Variants in NBEAL2 observed in about 807,000 individuals in gnomAD.
NBEAL2 encodes the protein neurobeachin like 2.
Under a neutral mutation model 299.8 loss-of-function variants are expected in NBEAL2, and 160 were observed. The ratio of observed to expected loss-of-function variants is 0.53; its 90% CI spans 0.47 to 0.61. The LOEUF (loss-of-function observed/expected upper bound fraction) is 0.61, where lower values mean the gene tolerates loss of function less well. Ranked by LOEUF, NBEAL2 falls within the 20% of genes least tolerant of loss-of-function variation. NBEAL2 has a pLI of 0.00. For missense variants in NBEAL2, 3,112 were observed against 3,649.0 expected, an observed-to-expected ratio of 0.85 and a Z score of 3.79; for synonymous variants, 1,493 against 1,542.3, an observed-to-expected ratio of 0.97 and a Z score of 0.75.
chr3:47,006,927 TG>T, intron 45 of NBEAL2, 138 bp from the exon 46 acceptor site: 1 of 681,164 alleles, frequency 1.5e-6, no homozygotes, highest in Non-Finnish European at 2.4e-6. Flanking sequence ...GCCTGTTTCT[TG>T]GAGGGAACCT....
In NBEAL2 at chr3:46,991,115, C is replaced by T. The variant is rs1427826456; in HGVS notation, c.557-104C>T. 2 of 995,250 alleles carry T rather than the reference C, an allele frequency of 2.0e-6. No individual in the cohort carries two copies. Among genetic ancestry groups the T allele is most frequent in the Non-Finnish European group, 3.1e-6 (2 of 647,696 alleles). The allele number at this position is 995,250 out of a possible 1,614,324, so 61.7% of individuals were successfully genotyped here. On this transcript the variant is annotated intron_variant, in intron 6 of 53. Coordinates refer to ENST00000450053, the MANE Select transcript of NBEAL2 (RefSeq NM_015175.3). The surrounding 1 kb of genome is among the most constrained non-coding windows in gnomAD (Gnocchi z 6.2). ...ACACTGGATCTTTTACTTGGCCCAG[C>T]TCCCTCTCCCCTCCACCCCAGGGCA...
chr3:47,000,038 C>T lies in NBEAL2; in HGVS notation c.3939C>T (p.Pro1313=). The change falls in exon 27 of 54, where the codon CCC becomes CCT. Residue 1313 remains proline, a synonymous_variant. Coordinates refer to ENST00000450053, the MANE Select transcript of NBEAL2 (RefSeq NM_015175.3). This position sits in a 1 kb window ranked among gnomAD's most constrained non-coding sequence, Gnocchi z 4.5. ...PPSSPESPTS[P]KPAPPKPPTE... ...CTTCCCCAGAGTCACCTACCTCCCC[C>T]AAGCCAGCCCCACCCAAGCCACCCA... 1 of 1,613,240 alleles carries T rather than the reference C, an allele frequency of 6.2e-7. No individual in the cohort carries two copies. Among genetic ancestry groups the T allele is most frequent in the Non-Finnish European group, 8.5e-7 (1 of 1,179,844 alleles).
At chr3:46,996,665 G>T in intron 16 of NBEAL2, 73 bp downstream of exon 16, 1 of 1,535,316 alleles carries the variant, frequency 6.5e-7, no homozygotes. Flanking sequence ...AGGCATCTCT[G>T]GGGGTCTCTC....
chr3:47,000,233 G>T lies in NBEAL2; in HGVS notation c.4134G>T (p.Gly1378=), dbSNP rs939552345. The change falls in exon 27 of 54, where the codon GGG becomes GGT. Residue 1378 remains glycine (G), a synonymous_variant. Coordinates refer to ENST00000450053, the MANE Select transcript of NBEAL2 (RefSeq NM_015175.3). This position sits in a 1 kb window ranked among gnomAD's most constrained non-coding sequence, Gnocchi z 4.5. ...CTGCTGGTGGTGGCGGCAGCAGTGG[G>T]ACTCTTACTCCAGCCAGCCAGCCCG... The part of the protein sequence containing the change: ...GNTAGGGGSS[G]TLTPASQPGT... 5 of 1,613,376 alleles carry T rather than the reference G, an allele frequency of 3.1e-6. No homozygotes were observed. The highest frequency in any genetic ancestry group is 4.2e-6 in the Non-Finnish European group (5 of 1,179,896).
rs985593185 is a variant in NBEAL2 at position 47,009,524 on chromosome 3, G to T, written c.*204G>T. ...CCCGCCCCTCGCCGGCTGAGGGGCCGCCCTGAGGGCCAGCACTGGCGTCTG... is the reference window on the plus strand; with the variant it reads ...CCCGCCCCTCGCCGGCTGAGGGGCCTCCCTGAGGGCCAGCACTGGCGTCTG... On this transcript the variant is annotated 3_prime_UTR_variant, in exon 54 of 54. Transcript: ENST00000450053. The T allele has an allele frequency of 1.0e-5, 6 of 592,110 alleles. No homozygotes were observed. Among genetic ancestry groups the T allele is most frequent in the South Asian group, 4.0e-5 (2 of 49,854 alleles). 36.7% of individuals were successfully genotyped at this position (592,110 alleles called of 1,614,324 possible).
At position 46,987,457 on chromosome 3, in the gene NBEAL2, G is replaced by A. The variant is rs150910724; in HGVS notation, c.52-1212G>A. 4.0e-3 allele frequency among the ~76,000 whole-genome samples: 608 copies of A among 152,316 alleles called. 4 individuals are homozygous for A. The highest frequency in any genetic ancestry group is 0.014 in the African/African-American group (582 of 41,554). ...CCAGCCTGGAGGAGCTCCTGTATAA[G>A]CCACAACCCACCCCTGGCCCCTGGG... On this transcript the variant is annotated intron_variant, in intron 1 of 53. Transcript: ENST00000450053.
In NBEAL2 at chr3:46,995,613, C is replaced by T; in HGVS notation, c.1878C>T (p.Leu626=). The T allele has an allele frequency of 6.2e-7, 1 of 1,611,554 alleles. No homozygotes were observed. ...TAPTPAPTRP[L]QRKQLYSFFT... is the part of the protein sequence containing the mutation. ...CTACCCCTGCCCCCACCCGACCACT[C>T]CAGCGAAAGCAGCTGTACAGGTGGG... The change falls in exon 13 of 54, where the codon CTC becomes CTT. Residue 626 remains leucine (L), a synonymous_variant. Transcript: ENST00000450053.
At chr3:46,981,347 CAGG>C (rs1336046000) in intron 1 of NBEAL2, among the ~76,000 whole-genome samples, 1 of 152,154 alleles carries the variant, frequency 6.6e-6, no homozygotes, top group African/African-American at 2.4e-5. Context: ...GAGGCTGAGG[CAGG>C]AGAATCGCTT....
intron 52 of NBEAL2, 126 bp downstream of exon 52, chr3:47,008,794 C>T: frequency 6.8e-7 from 1 of 1,474,564 alleles, no homozygotes; most frequent in Non-Finnish European, 9.1e-7. Context: ...TTACCTGTCC[C>T]TTCATCTTCC....
intron 1 of NBEAL2, among the ~76,000 whole-genome samples, chr3:46,987,491 AG>A (rs1433851402): frequency 6.6e-6 from 1 of 152,230 alleles, no homozygotes. Context: ...GGAGGGGCTT[AG>A]AGATTAGAGC....
At chr3:46,987,921 T>G in intron 1 of NBEAL2, 1 of 1,126,316 alleles carries the variant, frequency 8.9e-7, no homozygotes, top group Non-Finnish European at 1.2e-6. Flanking sequence ...GAGGAAGCGG[T>G]CCCCCTCCCC....
rs1252416075 is a variant in NBEAL2, at chr3:47,009,239, G to C, written c.8184G>C (p.Ala2728=). The C allele has an allele frequency of 1.9e-6, 3 of 1,600,612 alleles. No homozygotes were observed. The highest frequency in any genetic ancestry group is 8.5e-7 in the Non-Finnish European group (1 of 1,175,054). Residue 2728 remains alanine (A), a synonymous_variant, in exon 54 of 54, where the codon GCG becomes GCC. Transcript: ENST00000450053. ...QPSEVRSSQF[A]RKLWRSSRRI... is the part of the protein sequence containing the mutation. ...ACCAGGTGCGCAGCAGCCAGTTCGC[G>C]CGGAAGCTGTGGCGGTCCTCGCGGC...
chr3:46,993,951 C>T lies in NBEAL2; in HGVS notation c.1128C>T (p.Asp376=). 6.2e-7 allele frequency: 1 copy of T among 1,611,198 alleles called. No individual in the cohort carries two copies. The highest frequency in any genetic ancestry group is 2.2e-5 in the East Asian group (1 of 44,802). The change falls in exon 11 of 54, where the codon GAC becomes GAT. Residue 376 remains aspartate (D), a synonymous_variant. Coordinates refer to ENST00000450053, the MANE Select transcript of NBEAL2 (RefSeq NM_015175.3). ...EPDVQKVLDQ[D]TDAIAVHVVR... is the part of the protein sequence containing the mutation. ...CCCACCCCAAGGTCCTGGACCAAGA[C>T]ACAGACGCCATTGCAGTCCATGTAG... is the stretch of plus-strand genomic sequence containing the variant.
chr3:47,001,780 T>C lies in NBEAL2; in HGVS notation c.4736T>C (p.Ile1579Thr). 6.2e-7 allele frequency: 1 copy of C among 1,613,896 alleles called. No individual in the cohort carries two copies. The highest frequency in any genetic ancestry group is 1.1e-5 in the South Asian group (1 of 91,086). ...GTADLREMAQ[I>T]GLRLVLGYIL... ...GCTGATCTCCGTGAGATGGCGCAGA[T>C]TGGCCTACGGCTTGTACTTGGCTAC... The change falls in exon 30 of 54, where the codon ATT becomes ACT. Residue 1579 changes from isoleucine to threonine, a missense_variant. Physicochemically the swap from Ile to Thr is moderately conservative, Grantham distance 89. This residue lies in a region of NBEAL2 where 2,243 missense variants were observed against 2,538.1 expected (regional missense o/e 0.88). Coordinates refer to ENST00000450053, the MANE Select transcript of NBEAL2 (RefSeq NM_015175.3). The surrounding 1 kb of genome is among the most constrained non-coding windows in gnomAD (Gnocchi z 6.1).
At position 46,999,979 on chromosome 3, in the gene NBEAL2, C is replaced by T. The variant is rs965693581; in HGVS notation, c.3880C>T (p.Leu1294=). 6.2e-7 allele frequency: 1 copy of T among 1,612,090 alleles called. No individual in the cohort carries two copies. The highest frequency in any genetic ancestry group is 8.5e-7 in the Non-Finnish European group (1 of 1,179,872). Reference sequence around the variant, plus strand: ...AGATGTGCTGACCCGGCTATATGTCCTGGAGGCTGCCACAGCCGGCAGCCC... The same window carrying T: ...AGATGTGCTGACCCGGCTATATGTCTTGGAGGCTGCCACAGCCGGCAGCCC... ...WQDVLTRLYV[L]EAATAGSPPP... is the part of the protein sequence containing the mutation. Residue 1294 remains leucine, a synonymous_variant, in exon 27 of 54, where the codon CTG becomes TTG. Coordinates refer to ENST00000450053, the MANE Select transcript of NBEAL2 (RefSeq NM_015175.3).
In NBEAL2 at chr3:46,989,177, C is replaced by T; in HGVS notation, c.351+11C>T. On this transcript the variant is annotated intron_variant, in intron 4 of 53. Transcript: ENST00000450053. This position sits in a 1 kb window ranked among gnomAD's most constrained non-coding sequence, Gnocchi z 5.5. ...AAGTTGGTGGCGGAGGTGAAGTGGC[C>T]TCTACCTTGGGGGGCAGAGGGTGTA... 1 of 1,613,828 alleles carries T rather than the reference C, an allele frequency of 6.2e-7. No individual in the cohort carries two copies. The highest frequency in any genetic ancestry group is 8.5e-7 in the Non-Finnish European group (1 of 1,179,806).
chr3:46,987,836 A>T (rs1269579734), intron 1 of NBEAL2, among the ~76,000 whole-genome samples: 1 of 152,148 alleles, frequency 6.6e-6, no homozygotes, highest in Non-Finnish European at 1.5e-5. Flanking sequence ...CCCTCTGTGC[A>T]GGCCAGGTCG....
chr3:46,993,940 C>G lies in NBEAL2; in HGVS notation c.1117C>G (p.Leu373Val), dbSNP rs1318958533. The change falls in exon 11 of 54, where the codon CTG (leucine) becomes GTG (valine). Residue 373 changes from leucine (L) to valine (V), a missense_variant. By Grantham distance (32) the Leu-to-Val change is conservative. Coordinates refer to ENST00000450053, the MANE Select transcript of NBEAL2 (RefSeq NM_015175.3). ...LLTEPDVQKV[L>V]DQDTDAIAVH... ...GATGGCCCCTCCCCACCCCAAGGTCCTGGACCAAGACACAGACGCCATTGC... is the reference window on the plus strand; with the variant it reads ...GATGGCCCCTCCCCACCCCAAGGTCGTGGACCAAGACACAGACGCCATTGC... 6.2e-7 allele frequency: 1 copy of G among 1,610,006 alleles called. No individual in the cohort carries two copies. Among genetic ancestry groups the G allele is most frequent in the African/African-American group, 1.3e-5 (1 of 74,818 alleles).
At position 46,983,435 on chromosome 3, in the gene NBEAL2, G is replaced by A. The variant is rs182011455; in HGVS notation, c.51+3523G>A. 4.1e-3 allele frequency among the ~76,000 whole-genome samples: 622 copies of A among 150,282 alleles called. 2 individuals are homozygous for A. The highest frequency in any genetic ancestry group is 0.015 in the African/African-American group (594 of 40,936). On this transcript the variant is annotated intron_variant, in intron 1 of 53. Coordinates refer to ENST00000450053, the MANE Select transcript of NBEAL2 (RefSeq NM_015175.3). ...AGCAGTTCTCCTACCTCAGCCTCCC[G>A]AGTAGCTCAGACTACAGGCGTGTGC... is the stretch of plus-strand genomic sequence containing the variant.
Sources: allele counts gnomAD v4.1 joint callset (sites outside exome capture counted in the v4.1 genomes callset), GRCh38; gene constraint gnomAD v4.1.1; regional missense constraint gnomAD v4.1.1; non-coding constraint Gnocchi (gnomAD v3.1); transcripts MANE v1.5; gene names NCBI Gene and HGNC (gene_info 2026-07-23, HGNC 2026-07-21).